The following ANO2 variants were observed in gnomAD, a reference collection of about 807,000 sequenced individuals.
ANO2 encodes anoctamin-2.
In ANO2, 101 loss-of-function variants were observed where a neutral mutation model predicts 124.2. That is an observed-to-expected ratio of 0.81 (90% CI 0.69 to 0.96). The LOEUF is 0.96. ANO2 is among the 40% of genes least tolerant of loss of function. The probability of loss-of-function intolerance (pLI) is 0.00; values close to 1 mark genes in which losing one functional copy is unlikely to be tolerated. For missense variants in ANO2, 1,293 were observed against 1,274.5 expected, an observed-to-expected ratio of 1.01 and a Z score of -0.22; for synonymous variants, 486 against 482.5, an observed-to-expected ratio of 1.01 and a Z score of -0.09.
At chr12:5,665,718 C>A (rs1403303714) in intron 14 of ANO2, among the ~76,000 whole-genome samples, 4 of 147,710 alleles carry the variant, frequency 2.7e-5, no homozygotes, top group African/African-American at 1.0e-4. Flanking sequence ...CACCCCCCAC[C>A]CCCACCCCCA....
At chr12:5,578,096 G>T in intron 21 of ANO2, 89 bp from the exon 22 acceptor site, 2 of 1,480,230 alleles carry the variant, frequency 1.4e-6, no homozygotes, top group Non-Finnish European at 1.9e-6. Flanking sequence ...TTTTGCAGGT[G>T]AACTACGGAG....
intron 14 of ANO2, among the ~76,000 whole-genome samples, chr12:5,691,244 C>T (rs1189372890): frequency 7.0e-6 from 1 of 143,232 alleles, no homozygotes; most frequent in East Asian, 2.1e-4. Flanking sequence ...ATGAGAATCA[C>T]TTGAACTTGG....
intron 21 of ANO2, 61 bp from the exon 22 acceptor site, chr12:5,578,068 C>G (rs1315239109): frequency 1.9e-6 from 3 of 1,558,546 alleles, no homozygotes; most frequent in Non-Finnish European, 2.6e-6. Flanking sequence ...GATGACAACG[C>G]TGAAGCTCCA....
At chr12:5,599,239 A>T (rs116349568) in intron 20 of ANO2, among the ~76,000 whole-genome samples, 2,137 of 152,328 alleles carry the variant, frequency 0.014, 34 homozygotes, top group African/African-American at 0.037. Context: ...AAAAGAGAAC[A>T]TCATCCTAGA....
Position 5,925,339 on chromosome 12 carries a change from A to C in ANO2, c.23-2535T>G, listed in dbSNP as rs929680015. On this transcript the variant is annotated intron_variant, in intron 1 of 24. Coordinates refer to ENST00000682330, the MANE Select transcript of ANO2 (RefSeq NM_001364791.2). The surrounding 1 kb of genome is among the most constrained non-coding windows in gnomAD (Gnocchi z 4.6). ...GAGGCTGACATTCAGGGCCCTCACTAGCCATCGCAGTTGCTCCCCCGGCTC... is the reference window on the plus strand; with the variant it reads ...GAGGCTGACATTCAGGGCCCTCACTCGCCATCGCAGTTGCTCCCCCGGCTC... 6.6e-6 allele frequency among the ~76,000 whole-genome samples: 1 copy of C among 152,156 alleles called. No individual in the cohort carries two copies. Among genetic ancestry groups the C allele is most frequent in the Non-Finnish European group, 1.5e-5 (1 of 68,040 alleles).
chr12:5,847,650 CAG>C (rs775073779), intron 4 of ANO2, among the ~76,000 whole-genome samples: 3 of 152,144 alleles, frequency 2.0e-5, no homozygotes, highest in Non-Finnish European at 4.4e-5. Context: ...GCTACCAAAT[CAG>C]AGTCTCTACA....
At chr12:5,622,853 A>G in intron 16 of ANO2, among the ~76,000 whole-genome samples, 1 of 151,720 alleles carries the variant, frequency 6.6e-6, no homozygotes, top group Non-Finnish European at 1.5e-5. Flanking sequence ...AATCCCAGCT[A>G]CTCGGGAGGC....
At chr12:5,774,603 T>C (rs1172057778) in intron 10 of ANO2, among the ~76,000 whole-genome samples, 1 of 152,204 alleles carries the variant, frequency 6.6e-6, no homozygotes, top group African/African-American at 2.4e-5. Flanking sequence ...AAGCACATCC[T>C]CTGCTAAAAG....
chr12:5,659,934 G>A (rs1481460415), intron 14 of ANO2, among the ~76,000 whole-genome samples: 1 of 152,152 alleles, frequency 6.6e-6, no homozygotes, highest in Non-Finnish European at 1.5e-5. Flanking sequence ...GTGGTACAAT[G>A]AGTCTTTGAT....
Position 5,647,719 on chromosome 12 carries a change from G to A in ANO2, c.1620+8C>T, listed in dbSNP as rs954969345. 2.9e-5 allele frequency: 46 copies of A among 1,606,454 alleles called. No homozygotes were observed. The highest frequency in any genetic ancestry group is 1.7e-4 in the Middle Eastern group (1 of 6,054). On this transcript the variant is annotated splice_region_variant and intron_variant, in intron 15 of 24. Transcript: ENST00000682330. The stretch of plus-strand genomic sequence containing the variant: ...AGTCACAGGCAAGTGGTCCCTCAAG[G>A]AAATTACCATGAATAAGATGGAGGC...
rs1247016796 is a variant in ANO2 at position 5,921,380 on chromosome 12, G to C, written c.208-14C>G. The C allele has an allele frequency of 6.2e-7, 1 of 1,610,460 alleles. No individual in the cohort carries two copies. Among genetic ancestry groups the C allele is most frequent in the Non-Finnish European group, 8.5e-7 (1 of 1,177,702 alleles). ...GTTGTTGATGACCTGGCCAGAGAGAGAGGAGAGGCAGGGCAAGGTCTGGTG... is the reference window on the plus strand; with the variant it reads ...GTTGTTGATGACCTGGCCAGAGAGACAGGAGAGGCAGGGCAAGGTCTGGTG... On this transcript the variant is annotated splice_polypyrimidine_tract_variant and intron_variant, in intron 2 of 24. Transcript: ENST00000682330.
chr12:5,834,558 C>T (rs1954257619), intron 4 of ANO2, among the ~76,000 whole-genome samples: 1 of 152,152 alleles, frequency 6.6e-6, no homozygotes, highest in Admixed American at 6.5e-5. Context: ...CTTCCATTAC[C>T]ATTTTGTTCT....
chr12:5,796,469 TACAC>T lies in ANO2; in HGVS notation c.1055+3034_1055+3037del, dbSNP rs145933132. ...TCACACACACACCCACTCTTGCACATACACACACACAAACTCACAACACACAGAG... is the reference window on the plus strand; with the variant it reads ...TCACACACACACCCACTCTTGCACATACACACAAACTCACAACACACAGAG... On this transcript the variant is annotated intron_variant, in intron 10 of 24. Coordinates refer to ENST00000682330, the MANE Select transcript of ANO2 (RefSeq NM_001364791.2). Among the ~76,000 whole-genome samples the T allele has an allele frequency of 1.5e-3, 225 of 150,226 alleles. 1 individual carries two copies. Among genetic ancestry groups the T allele is most frequent in the Middle Eastern group, 6.8e-3 (2 of 294 alleles).
intron 10 of ANO2, among the ~76,000 whole-genome samples, chr12:5,752,258 A>G (rs1951461729): frequency 6.6e-6 from 1 of 152,208 alleles, no homozygotes; most frequent in Admixed American, 6.5e-5. Flanking sequence ...GTTGAATCAA[A>G]TGGTAATTAT....
rs751816551 is a variant in ANO2 at position 5,873,195 on chromosome 12, A to AGCTC, written c.535-19058_535-19055dup. 3.2e-3 allele frequency among the ~76,000 whole-genome samples: 243 copies of AGCTC among 76,842 alleles called. 1 individual carries two copies. The highest frequency in any genetic ancestry group is 4.7e-3 in the Non-Finnish European group (162 of 34,606). 50.4% of individuals were successfully genotyped at this position (76,842 alleles called of 152,430 possible). On this transcript the variant is annotated intron_variant, in intron 3 of 24. Transcript: ENST00000682330. ...TAACTTTGTTACTTTTGCCTAAAGC[A>AGCTC]GCTCTCTCTCTCTCTCTCTCTCTCT... is the stretch of plus-strand genomic sequence containing the variant.
At chr12:5,566,183 C>G (rs1376782118) in intron 23 of ANO2, among the ~76,000 whole-genome samples, 1 of 152,214 alleles carries the variant, frequency 6.6e-6, no homozygotes, top group African/African-American at 2.4e-5. Context: ...TGGCTGCATT[C>G]TTGAACCAAA....
chr12:5,785,777 G>A (rs867155853), intron 10 of ANO2, among the ~76,000 whole-genome samples: 11 of 152,058 alleles, frequency 7.2e-5, no homozygotes, highest in Non-Finnish European at 1.0e-4. Flanking sequence ...CTGGTCCCCC[G>A]GGCCTTCCCA....
rs67252256 is a variant in ANO2, at chr12:5,643,063, T to TACACAC, written c.1620+4658_1620+4663dup. 6.9e-3 allele frequency among the ~76,000 whole-genome samples: 1,035 copies of TACACAC among 150,084 alleles called. 8 individuals carry two copies. Among genetic ancestry groups the TACACAC allele is most frequent in the African/African-American group, 0.02 (830 of 40,922 alleles). ...TGTGAACATGCAGAAAAATCCATTT[T>TACACAC]ACACACACACACACACACACACACA... On this transcript the variant is annotated intron_variant, in intron 15 of 24. Coordinates refer to ENST00000682330, the MANE Select transcript of ANO2 (RefSeq NM_001364791.2).
intron 10 of ANO2, among the ~76,000 whole-genome samples, chr12:5,766,915 A>C (rs922743587): frequency 1.3e-5 from 2 of 152,250 alleles, no homozygotes; most frequent in African/African-American, 4.8e-5. Context: ...AAAACAAGGC[A>C]GTAAGCCTTG....
Sources: gnomAD v4.1 joint callset for allele counts (sites outside exome capture counted in the v4.1 genomes callset) on GRCh38, gnomAD v4.1.1 for gene constraint, Gnocchi (gnomAD v3.1) non-coding constraint, MANE v1.5 for transcripts, NCBI Gene and HGNC (gene_info 2026-07-23, HGNC 2026-07-21) for gene names.